Variants in SCHIP1 observed in about 807,000 individuals in gnomAD.
SCHIP1 encodes the protein schwannomin interacting protein 1.
In SCHIP1, 8 loss-of-function variants were observed where a neutral mutation model predicts 29.7. The ratio of observed to expected loss-of-function variants is 0.27; its 90% CI spans 0.16 to 0.49. SCHIP1 has a LOEUF of 0.49. SCHIP1 is among the 20% of genes least tolerant of loss of function. The pLI is 0.99. For missense variants in SCHIP1, 193 were observed against 294.6 expected, an observed-to-expected ratio of 0.66 and a Z score of 2.52; for synonymous variants, 76 against 94.9, an observed-to-expected ratio of 0.80 and a Z score of 1.16.
the SCHIP1 span, among the ~76,000 whole-genome samples, chr3:159,606,320 T>TA: frequency 1.1e-4 from 17 of 151,292 alleles, no homozygotes; most frequent in Middle Eastern, 3.4e-3. Flanking sequence ...AGATGTATAA[T>TA]AAAAAAAAAT....
At chr3:159,617,879 T>C in the SCHIP1 span, among the ~76,000 whole-genome samples, 1 of 152,216 alleles carries the variant, frequency 6.6e-6, no homozygotes, top group African/African-American at 2.4e-5. Flanking sequence ...GAGGGGAAAC[T>C]TGACCTTCAT....
chr3:159,645,289 A>G, the SCHIP1 span, among the ~76,000 whole-genome samples: 2 of 152,076 alleles, frequency 1.3e-5, no homozygotes, highest in Non-Finnish European at 2.9e-5. Flanking sequence ...AGGCTTATCT[A>G]AAACAAGGCA....
rs950135051 is a variant in SCHIP1 at position 159,853,243 on chromosome 3, C to T, written c.31-12920C>T. 1.6e-4 allele frequency: 80 copies of T among 512,346 alleles called. 1 individual carries two copies. The East Asian group carries it at 2.5e-3, about 16-fold the overall frequency. 31.7% of individuals were successfully genotyped at this position (512,346 alleles called of 1,614,324 possible). ...TGTGGGACAGAGTGGGGCAAGAACA[C>T]ACACGGCCGGGCACAGCCTCTTAGC... On this transcript the variant is annotated intron_variant, in intron 1 of 6. Coordinates refer to ENST00000445224, the Ensembl canonical transcript of SCHIP1.
chr3:159,397,811 AAGGC>A, the SCHIP1 span, among the ~76,000 whole-genome samples: 1 of 152,156 alleles, frequency 6.6e-6, no homozygotes, highest in Admixed American at 6.5e-5. Flanking sequence ...TGAGCCTACA[AAGGC>A]AGGCAGGCAG....
chr3:159,715,459 A>G, the SCHIP1 span, among the ~76,000 whole-genome samples: 1 of 152,126 alleles, frequency 6.6e-6, no homozygotes. Flanking sequence ...TCTCTGAGCT[A>G]AAGGAGGATA....
chr3:159,648,744 A>T, the SCHIP1 span, among the ~76,000 whole-genome samples: 2 of 151,900 alleles, frequency 1.3e-5, no homozygotes, highest in African/African-American at 4.8e-5. Context: ...CTAAAGGAAC[A>T]TACCAGCAGC....
chr3:159,573,147 T>C, the SCHIP1 span, among the ~76,000 whole-genome samples: 4 of 152,348 alleles, frequency 2.6e-5, no homozygotes, highest in African/African-American at 7.2e-5. Context: ...AATTTGATCC[T>C]GTCATTATGA....
the SCHIP1 span, among the ~76,000 whole-genome samples, chr3:159,419,571 G>A: frequency 7.2e-5 from 11 of 152,138 alleles, no homozygotes; most frequent in African/African-American, 2.7e-4. Context: ...CACTTTGGGA[G>A]GCCAAGGCAG....
the SCHIP1 span, among the ~76,000 whole-genome samples, chr3:159,429,973 G>A: frequency 0.17 from 25,660 of 152,128 alleles, 2,485 homozygotes; most frequent in South Asian, 0.37. Context: ...GGGAAAAATT[G>A]CTAAATGTTT....
chr3:159,642,033 T>C, the SCHIP1 span, among the ~76,000 whole-genome samples: 1 of 152,226 alleles, frequency 6.6e-6, no homozygotes, highest in African/African-American at 2.4e-5. Flanking sequence ...GGACCTGGTT[T>C]TGAATCTCAC....
In SCHIP1 at chr3:159,858,661, G is replaced by A. The variant is rs1157607226; in HGVS notation, c.31-7502G>A. Reference sequence around the variant, plus strand: ...TTGTAAATAAATATCTGCATTTTCTGTACTGACATCCCAGTTCTTTTGATG... The same window carrying A: ...TTGTAAATAAATATCTGCATTTTCTATACTGACATCCCAGTTCTTTTGATG... On this transcript the variant is annotated intron_variant, in intron 1 of 6. Transcript: ENST00000445224. 5.3e-5 allele frequency among the ~76,000 whole-genome samples: 8 copies of A among 152,248 alleles called. 1 individual carries two copies. The highest frequency in any genetic ancestry group is 6.8e-3 in the Middle Eastern group (2 of 294).
chr3:159,387,937 AT>A, the SCHIP1 span, among the ~76,000 whole-genome samples: 1 of 152,174 alleles, frequency 6.6e-6, no homozygotes, highest in Non-Finnish European at 1.5e-5. Flanking sequence ...AATAGTTGCC[AT>A]TTTTGCCATA....
chr3:159,862,920 C>T (rs369259031), intron 1 of SCHIP1, among the ~76,000 whole-genome samples: 1 of 151,932 alleles, frequency 6.6e-6, no homozygotes, highest in African/African-American at 2.4e-5. Flanking sequence ...CAGCTTTTTT[C>T]GAGAGCAATG....
the SCHIP1 span, among the ~76,000 whole-genome samples, chr3:159,528,373 A>C: frequency 6.6e-6 from 1 of 152,192 alleles, no homozygotes; most frequent in African/African-American, 2.4e-5. Flanking sequence ...GGAAAAGAGG[A>C]GAATGACACC....
chr3:159,519,683 T>G, the SCHIP1 span, among the ~76,000 whole-genome samples: 38 of 152,258 alleles, frequency 2.5e-4, no homozygotes, highest in African/African-American at 9.1e-4. Flanking sequence ...AGTAAAATTA[T>G]GAAAGCATTG....
chr3:159,634,801 T>TC, the SCHIP1 span, among the ~76,000 whole-genome samples: 1 of 152,106 alleles, frequency 6.6e-6, no homozygotes, highest in Non-Finnish European at 1.5e-5. Flanking sequence ...TCAGAAGTTT[T>TC]CCCCCCCTTT....
the SCHIP1 span, among the ~76,000 whole-genome samples, chr3:159,598,279 A>G: frequency 6.6e-6 from 1 of 152,166 alleles, no homozygotes; most frequent in Non-Finnish European, 1.5e-5. Flanking sequence ...AACTCATTCC[A>G]TTATTAACCC....
At chr3:159,438,579 C>A in the SCHIP1 span, among the ~76,000 whole-genome samples, 1 of 152,006 alleles carries the variant, frequency 6.6e-6, no homozygotes, top group Non-Finnish European at 1.5e-5. Flanking sequence ...ACAGATCATC[C>A]CATCACCCAG....
At chr3:159,341,800 A>G in the SCHIP1 span, among the ~76,000 whole-genome samples, 12 of 152,302 alleles carry the variant, frequency 7.9e-5, no homozygotes, top group East Asian at 2.1e-3. Flanking sequence ...GTCCTGTTCA[A>G]ATATGTATTA....
Sources: allele counts gnomAD v4.1 joint callset (sites outside exome capture counted in the v4.1 genomes callset), GRCh38; gene constraint gnomAD v4.1.1; transcripts MANE v1.5; gene names NCBI Gene and HGNC (gene_info 2026-07-23, HGNC 2026-07-21).